CYFIP2: variants seen among roughly 807,000 people sequenced by gnomAD.
The protein encoded by CYFIP2 is cytoplasmic FMR1-interacting protein 2.
Under a neutral mutation model 158.7 loss-of-function variants are expected in CYFIP2, and 29 were observed. That is an observed-to-expected ratio of 0.18 (90% CI 0.14 to 0.25). The LOEUF is 0.25. Among genes scored for constraint, CYFIP2 ranks in the 10% least tolerant of loss-of-function variants. CYFIP2 has a pLI of 1.00. For missense variants in CYFIP2, 852 were observed against 1,639.5 expected (o/e 0.52, Z 8.29); for synonymous variants, 585 against 617.6 (o/e 0.95, Z 0.78).
chr5:157,269,137 T>C (rs1399144639), intron 1 of CYFIP2, among the ~76,000 whole-genome samples: 1 of 152,058 alleles, frequency 6.6e-6, no homozygotes, highest in East Asian at 1.9e-4. Flanking sequence ...TTGAGGGAAG[T>C]TGGTCTCTGT....
intron 21 of CYFIP2, among the ~76,000 whole-genome samples, chr5:157,337,236 C>T (rs144830575): frequency 3.7e-4 from 57 of 152,256 alleles, no homozygotes; most frequent in African/African-American, 1.3e-3. Context: ...TCTGTATTTC[C>T]GCCCTTCATT....
intron 1 of CYFIP2, among the ~76,000 whole-genome samples, chr5:157,279,349 A>G (rs570279728): frequency 6.6e-6 from 1 of 152,372 alleles, no homozygotes; most frequent in African/African-American, 2.4e-5. Context: ...ATTTCACTTC[A>G]GTAAAAAGTC....
intron 26 of CYFIP2, among the ~76,000 whole-genome samples, chr5:157,365,753 G>A (rs1764306023): frequency 8.9e-6 from 1 of 111,818 alleles, no homozygotes; most frequent in Admixed American, 8.8e-5. Context: ...TTCATGTAGA[G>A]TTATCTAGTA....
At position 157,322,289 on chromosome 5, in the gene CYFIP2, C is replaced by T. The variant is rs966300339; in HGVS notation, c.1671+1487C>T. ...TCCCAGGTGGAGGTGGGACAAGAAC[C>T]CAGGTCTCCTGACACCCACCCAGGG... On this transcript the variant is annotated intron_variant, in intron 15 of 30. Coordinates refer to ENST00000620254, the MANE Select transcript of CYFIP2 (RefSeq NM_001037333.3). 2.0e-5 allele frequency among the ~76,000 whole-genome samples: 3 copies of T among 152,152 alleles called. No individual in the cohort carries two copies. In the South Asian group the frequency reaches 6.2e-4, roughly 31 times the overall value.
Position 157,296,624 on chromosome 5 carries a change from A to C in CYFIP2, c.286-49A>C, listed in dbSNP as rs374677577. On this transcript the variant is annotated intron_variant, in intron 4 of 30. Coordinates refer to ENST00000620254, the MANE Select transcript of CYFIP2 (RefSeq NM_001037333.3). Reference sequence around the variant, plus strand: ...CAAAACAAAACAAAAAACAGTAATAAGACAACAGGTGTAAACCAGGATGTG... The same window carrying C: ...CAAAACAAAACAAAAAACAGTAATACGACAACAGGTGTAAACCAGGATGTG... The C allele has an allele frequency of 6.8e-4, 1,048 of 1,550,138 alleles. 1 individual carries two copies. The highest frequency in any genetic ancestry group is 8.8e-4 in the Non-Finnish European group (989 of 1,123,956).
At chr5:157,338,920 G>A in intron 21 of CYFIP2, 137 bp from the exon 22 acceptor site, 2 of 761,210 alleles carry the variant, frequency 2.6e-6, no homozygotes, top group Non-Finnish European at 4.2e-6. Context: ...TACTGTAAGG[G>A]TCCTAGTTCC....
intron 26 of CYFIP2, among the ~76,000 whole-genome samples, chr5:157,368,220 C>G (rs1226971936): frequency 1.3e-5 from 2 of 152,216 alleles, no homozygotes; most frequent in African/African-American, 4.8e-5. Flanking sequence ...AGAAGTGTCT[C>G]TCACTTTTTA....
At chr5:157,369,801 A>G (rs754310663) in intron 26 of CYFIP2, among the ~76,000 whole-genome samples, 3 of 152,104 alleles carry the variant, frequency 2.0e-5, no homozygotes, top group Admixed American at 6.5e-5. Context: ...GCTCATTTAA[A>G]TCACTTGGAA....
chr5:157,270,076 T>C (rs1406326249), intron 1 of CYFIP2, among the ~76,000 whole-genome samples: 1 of 152,218 alleles, frequency 6.6e-6, no homozygotes, highest in East Asian at 1.9e-4. Flanking sequence ...TTGCGTGGCA[T>C]TTTGATAGAC....
intron 2 of CYFIP2, among the ~76,000 whole-genome samples, 167 bp downstream of exon 2, chr5:157,285,645 A>G (rs1757316120): frequency 6.6e-6 from 1 of 152,228 alleles, no homozygotes; most frequent in African/African-American, 2.4e-5. Context: ...GGAACAGATT[A>G]GCTACTAAAT....
rs376095064 is a variant in CYFIP2, at chr5:157,307,577, A to G, written c.796-184A>G. ...AATTTCTGGTTGAAATTAGACTTAC[A>G]TTTCCTGCCTTTATTTGAAGATGCA... On this transcript the variant is annotated intron_variant, in intron 8 of 30. Transcript: ENST00000620254. Among the ~76,000 whole-genome samples the G allele has an allele frequency of 6.6e-5, 10 of 151,602 alleles. 1 individual carries two copies. The highest frequency in any genetic ancestry group is 6.6e-4 in the Admixed American group (10 of 15,246).
chr5:157,281,235 C>T (rs1025913873), intron 1 of CYFIP2, among the ~76,000 whole-genome samples: 8 of 152,080 alleles, frequency 5.3e-5, no homozygotes, highest in Admixed American at 1.3e-4. Flanking sequence ...ATTCTTGGTG[C>T]GTTTTTCCAT....
At chr5:157,272,606 T>C (rs1756200054) in intron 1 of CYFIP2, among the ~76,000 whole-genome samples, 1 of 152,228 alleles carries the variant, frequency 6.6e-6, no homozygotes, top group African/African-American at 2.4e-5. Context: ...ATTTATCTAT[T>C]CTGCACGTTG....
chr5:157,290,748 G>T (rs753620793), intron 3 of CYFIP2, among the ~76,000 whole-genome samples: 36 of 152,156 alleles, frequency 2.4e-4, no homozygotes, highest in Non-Finnish European at 4.6e-4. Flanking sequence ...TGTCTTCCTC[G>T]TGCCTTCCCC....
chr5:157,360,112 G>A (rs1294910989), intron 24 of CYFIP2, among the ~76,000 whole-genome samples, 170 bp from the exon 25 acceptor site: 3 of 152,224 alleles, frequency 2.0e-5, no homozygotes, highest in Non-Finnish European at 4.4e-5. Context: ...GACAACGAGA[G>A]AGCTCCTTTT....
chr5:157,337,128 A>T (rs1220105828), intron 21 of CYFIP2, among the ~76,000 whole-genome samples: 2 of 152,160 alleles, frequency 1.3e-5, no homozygotes, highest in African/African-American at 2.4e-5. Flanking sequence ...CACTTACTCC[A>T]TGTATTTTTT....
At chr5:157,389,144 G>T in intron 28 of CYFIP2, 45 bp from the exon 29 acceptor site, 1 of 1,538,428 alleles carries the variant, frequency 6.5e-7, no homozygotes, top group Non-Finnish European at 8.8e-7. Flanking sequence ...TGGCAGATGG[G>T]CTCTAAGATG....
At chr5:157,337,179 A>G (rs1028930739) in intron 21 of CYFIP2, among the ~76,000 whole-genome samples, 3 of 152,302 alleles carry the variant, frequency 2.0e-5, no homozygotes, top group Admixed American at 6.5e-5. Flanking sequence ...GAATAAAGAC[A>G]TATTCCAGCT....
chr5:157,330,703 AT>A, intron 19 of CYFIP2, 38 bp from the exon 20 acceptor site: 1 of 1,538,750 alleles, frequency 6.5e-7, no homozygotes, highest in Non-Finnish European at 9.0e-7. Context: ...GTCATTCACA[AT>A]CTGTTTACTG....
Sources: gnomAD v4.1 joint callset for allele counts (sites outside exome capture counted in the v4.1 genomes callset) on GRCh38, gnomAD v4.1.1 for gene constraint, MANE v1.5 for transcripts, NCBI Gene and HGNC (gene_info 2026-07-23, HGNC 2026-07-21) for gene names.